FLT1: variants seen among roughly 807,000 people sequenced by gnomAD.
FLT1 encodes fms related receptor tyrosine kinase 1, also known as vascular endothelial growth factor receptor 1.
FLT1 carries 49 observed loss-of-function variants against 156.3 expected under a neutral mutation model. The observed-to-expected ratio is 0.31, with a 90% CI of 0.25 to 0.40. FLT1 has a LOEUF of 0.40. Ranked by LOEUF, FLT1 falls within the 10% of genes least tolerant of loss-of-function variation. FLT1 has a pLI of 1.00. For missense variants in FLT1, 1,322 were observed against 1,637.2 expected, an observed-to-expected ratio of 0.81 and a Z score of 3.32; for synonymous variants, 594 against 583.8, an observed-to-expected ratio of 1.02 and a Z score of -0.25.
chr13:28,451,941 C>T (rs1221603914), intron 3 of FLT1, among the ~76,000 whole-genome samples: 1 of 152,114 alleles, frequency 6.6e-6, no homozygotes, highest in Non-Finnish European at 1.5e-5. Context: ...CTGAAGGGGC[C>T]GTCCCTGCTT....
intron 1 of FLT1, among the ~76,000 whole-genome samples, chr13:28,488,573 A>C (rs192591718): frequency 2.6e-5 from 4 of 152,268 alleles, no homozygotes; most frequent in African/African-American, 9.6e-5. Context: ...TGGACCTCGG[A>C]GCACACAGAG....
chr13:28,459,724 C>T (rs1879458271), intron 3 of FLT1, among the ~76,000 whole-genome samples: 1 of 152,200 alleles, frequency 6.6e-6, no homozygotes, highest in Non-Finnish European at 1.5e-5. Flanking sequence ...CCTATTTTCC[C>T]TTGGAGGAGA....
At chr13:28,447,604 T>C (rs912244785) in intron 3 of FLT1, among the ~76,000 whole-genome samples, 1 of 152,094 alleles carries the variant, frequency 6.6e-6, no homozygotes, top group Non-Finnish European at 1.5e-5. Flanking sequence ...AACTGAACTT[T>C]ATTAAAATTT....
chr13:28,304,135 G>A (rs979771464), intron 29 of FLT1, among the ~76,000 whole-genome samples: 2 of 152,178 alleles, frequency 1.3e-5, no homozygotes, highest in African/African-American at 4.8e-5. Context: ...ACGTGTCCAT[G>A]TTCTATATTT....
intron 13 of FLT1, chr13:28,389,123 G>A (rs1167284800): frequency 9.4e-7 from 1 of 1,059,228 alleles, no homozygotes; most frequent in Non-Finnish European, 1.1e-6. Flanking sequence ...AGAAGCTCCA[G>A]TTCAAGATAA....
intron 2 of FLT1, among the ~76,000 whole-genome samples, 154 bp from the exon 3 acceptor site, chr13:28,467,283 T>C (rs1295527513): frequency 6.6e-6 from 1 of 152,092 alleles, no homozygotes; most frequent in Admixed American, 6.5e-5. Flanking sequence ...AGAAAAGCTG[T>C]AGAACAATAC....
At chr13:28,327,645 A>G in intron 19 of FLT1, 95 bp from the exon 20 acceptor site, 1 of 820,894 alleles carries the variant, frequency 1.2e-6, no homozygotes, top group East Asian at 2.5e-5. Flanking sequence ...CAAACCAACC[A>G]GCCTTTGTAT....
At chr13:28,319,571 T>C (rs1356796057) in intron 23 of FLT1, 37 bp from the exon 24 acceptor site, 1 of 1,292,992 alleles carries the variant, frequency 7.7e-7, no homozygotes, top group Non-Finnish European at 1.1e-6. Flanking sequence ...CAGAAGGGCA[T>C]GAAAACAAAG....
chr13:28,378,862 G>A (rs997887080), intron 14 of FLT1, among the ~76,000 whole-genome samples: 4 of 152,078 alleles, frequency 2.6e-5, no homozygotes, highest in East Asian at 1.9e-4. Flanking sequence ...CCTGGTAAAC[G>A]CTCAATAAAT....
At chr13:28,415,498 A>ATAATAC (rs1876596252) in intron 10 of FLT1, among the ~76,000 whole-genome samples, 1 of 152,104 alleles carries the variant, frequency 6.6e-6, no homozygotes, top group Non-Finnish European at 1.5e-5. Context: ...AATAATAATA[A>ATAATAC]TAATAGCACC....
At chr13:28,386,669 T>C (rs911408313) in intron 13 of FLT1, 30 of 1,056,770 alleles carry the variant, frequency 2.8e-5, no homozygotes, top group Non-Finnish European at 3.4e-5. Context: ...TGCAGTCCTG[T>C]TTAAAACCTT....
chr13:28,418,746 T>C (rs1876811822), intron 10 of FLT1, among the ~76,000 whole-genome samples: 2 of 151,998 alleles, frequency 1.3e-5, no homozygotes, highest in African/African-American at 4.8e-5. Context: ...TTTATTTTTA[T>C]CTTTTTGTAG....
chr13:28,321,703 AC>A, intron 22 of FLT1, 118 bp from the exon 23 acceptor site: 1 of 992,624 alleles, frequency 1.0e-6, no homozygotes, highest in Non-Finnish European at 1.6e-6. Context: ...TGAAGGGAGC[AC>A]CTCTCGGTGC....
chr13:28,334,690 A>G (rs1872051527), intron 17 of FLT1, among the ~76,000 whole-genome samples: 1 of 152,234 alleles, frequency 6.6e-6, no homozygotes, highest in South Asian at 2.1e-4. Flanking sequence ...GGTGAAGATT[A>G]CAAATCCTCG....
chr13:28,412,345 TC>T lies in FLT1; in HGVS notation c.1437-6452del, dbSNP rs1876283270. Among the ~76,000 whole-genome samples the T allele has an allele frequency of 1.4e-4, 9 of 63,216 alleles. 1 individual carries two copies. Among genetic ancestry groups the T allele is most frequent in the African/African-American group, 3.8e-4 (8 of 21,076 alleles). The allele number at this position is 63,216 out of a possible 152,430, so 41.5% of individuals were successfully genotyped here. A position where few individuals can be genotyped will look rare whatever the true frequency, so the allele number is the denominator to read the frequency against. ...TCTTTCTTTCTTTTCTTTCTTTCTT[TC>T]TTTCTCTTTCTTTCTTTCTTTCTTT... is the stretch of plus-strand genomic sequence containing the variant. On this transcript the variant is annotated intron_variant, in intron 10 of 29. Coordinates refer to ENST00000282397, the MANE Select transcript of FLT1 (RefSeq NM_002019.4).
chr13:28,350,961 T>G (rs1272130878), intron 15 of FLT1, among the ~76,000 whole-genome samples: 1 of 150,358 alleles, frequency 6.7e-6, no homozygotes, highest in African/African-American at 2.5e-5. Flanking sequence ...CCTCTCTCCC[T>G]CCCTCTCCCA....
chr13:28,341,354 C>T (rs1380208715), intron 16 of FLT1, among the ~76,000 whole-genome samples: 1 of 152,284 alleles, frequency 6.6e-6, no homozygotes, highest in Admixed American at 6.5e-5. Context: ...GTCTGCACAG[C>T]TAAGTGCTTC....
rs988661696 is a variant in FLT1 at position 28,309,713 on chromosome 13, G to A, written c.3636-786C>T. 9.4e-5 allele frequency among the ~76,000 whole-genome samples: 11 copies of A among 117,058 alleles called. No homozygotes were observed. In the East Asian group the frequency reaches 2.7e-3, roughly 28 times the overall value. 76.8% of individuals were successfully genotyped at this position (117,058 alleles called of 152,430 possible). ...CAGACCTTGCCAATTTATTTAATCC[G>A]AACTAGTTTTCCCAGCTTTACAAAA... On this transcript the variant is annotated intron_variant, in intron 27 of 29. Transcript: ENST00000282397.
At chr13:28,335,368 A>G (rs1398352620) in intron 17 of FLT1, among the ~76,000 whole-genome samples, 1 of 152,066 alleles carries the variant, frequency 6.6e-6, no homozygotes, top group Non-Finnish European at 1.5e-5. Flanking sequence ...CCGTCTGATA[A>G]TGTGCCTTCA....
Sources: gnomAD v4.1 joint callset for allele counts (sites outside exome capture counted in the v4.1 genomes callset) on GRCh38, gnomAD v4.1.1 for gene constraint, MANE v1.5 for transcripts, NCBI Gene and HGNC (gene_info 2026-07-23, HGNC 2026-07-21) for gene names.